Variants in HYCC2 observed in about 807,000 individuals in gnomAD.
HYCC2 encodes the protein hyccin PI4KA lipid kinase complex subunit 2.
the HYCC2 span, among the ~76,000 whole-genome samples, chr2:200,983,494 G>T: frequency 2.0e-5 from 3 of 151,966 alleles, no homozygotes; most frequent in Non-Finnish European, 4.4e-5. Context: ...AAAGCAAAAG[G>T]CACCTTATTA....
At chr2:200,989,690 T>A in the HYCC2 span, among the ~76,000 whole-genome samples, 1 of 152,086 alleles carries the variant, frequency 6.6e-6, no homozygotes, top group South Asian at 2.1e-4. Context: ...GGTATGCACC[T>A]GTAGTCCCAG....
chr2:201,048,014 T>C, the HYCC2 span, among the ~76,000 whole-genome samples: 1 of 150,362 alleles, frequency 6.7e-6, no homozygotes, highest in African/African-American at 2.5e-5. Context: ...AAATAAACAA[T>C]ATCATCCGCT....
chr2:201,016,737 T>C, the HYCC2 span, among the ~76,000 whole-genome samples: 1 of 151,800 alleles, frequency 6.6e-6, no homozygotes, highest in Non-Finnish European at 1.5e-5. Flanking sequence ...GTAGCTGGGA[T>C]TACAGGAACA....
At chr2:201,000,057 CA>C in the HYCC2 span, among the ~76,000 whole-genome samples, 2,271 of 34,770 alleles carry the variant, frequency 0.065, 7 homozygotes, top group Non-Finnish European at 0.079. Flanking sequence ...GACTCCGTCT[CA>C]AAAAAAAAAA....
At chr2:201,019,003 T>A in the HYCC2 span, among the ~76,000 whole-genome samples, 1 of 152,246 alleles carries the variant, frequency 6.6e-6, no homozygotes, top group Admixed American at 6.5e-5. Context: ...ATAGATTGTT[T>A]AATCACAAAA....
chr2:201,063,567 A>G, the HYCC2 span: 2 of 1,586,056 alleles, frequency 1.3e-6, no homozygotes, highest in East Asian at 2.2e-5. Context: ...GACTCCGTGG[A>G]TAAGATTGTC....
chr2:201,062,475 C>A, the HYCC2 span, among the ~76,000 whole-genome samples: 1 of 152,046 alleles, frequency 6.6e-6, no homozygotes, highest in Non-Finnish European at 1.5e-5. Context: ...GGTGAAACCC[C>A]GTCTTTAATA....
At chr2:201,012,336 C>T in the HYCC2 span, among the ~76,000 whole-genome samples, 7 of 152,092 alleles carry the variant, frequency 4.6e-5, no homozygotes, top group Admixed American at 4.6e-4. Context: ...TATCGCAGGC[C>T]TGTAGTCCCA....
At chr2:200,987,278 G>A in the HYCC2 span, 1 of 1,153,068 alleles carries the variant, frequency 8.7e-7, no homozygotes, top group African/African-American at 1.6e-5. Context: ...ACATTAGAAT[G>A]GAAAGATGCT....
At chr2:201,004,287 A>G in the HYCC2 span, among the ~76,000 whole-genome samples, 271 of 152,376 alleles carry the variant, frequency 1.8e-3, 2 homozygotes, top group African/African-American at 6.1e-3. Context: ...GTCAATGCAC[A>G]TCAGGAGAAC....
At chr2:200,996,028 C>CTTTTTTTTTTT in the HYCC2 span, 1 of 115,468 alleles carries the variant, frequency 8.7e-6, no homozygotes, top group Non-Finnish European at 1.8e-5. Context: ...TTTCTTTTTT[C>CTTTTTTTTTTT]TTTTTTTTTT....
chr2:201,023,652 T>C, the HYCC2 span: 1 of 195,876 alleles, frequency 5.1e-6, no homozygotes, highest in East Asian at 1.1e-4. Context: ...ATAAATCCTA[T>C]TTTTGTGCCT....
At chr2:201,030,908 T>A in the HYCC2 span, among the ~76,000 whole-genome samples, 2 of 152,144 alleles carry the variant, frequency 1.3e-5, no homozygotes, top group Non-Finnish European at 2.9e-5. Flanking sequence ...GCCATAAAAC[T>A]GTAAGCACAA....
the HYCC2 span, among the ~76,000 whole-genome samples, chr2:201,068,945 C>T: frequency 2.0e-5 from 3 of 151,900 alleles, no homozygotes; most frequent in South Asian, 2.1e-4. Flanking sequence ...AAGCCACAGA[C>T]GATGACAGAC....
At chr2:200,981,601 T>C in the HYCC2 span, 5 of 1,612,984 alleles carry the variant, frequency 3.1e-6, no homozygotes, top group African/African-American at 6.7e-5. The surrounding 1 kb of genome is among the most constrained non-coding windows in gnomAD (Gnocchi z 4.5). Context: ...TGGTGTCAGC[T>C]CAACTGAATC....
At chr2:201,066,984 T>C in the HYCC2 span, 3 of 301,120 alleles carry the variant, frequency 1.0e-5, no homozygotes, top group African/African-American at 4.4e-5. Context: ...GAGTTCACCA[T>C]GAAGAAGATA....
chr2:200,981,487 T>C, the HYCC2 span: 43 of 1,614,092 alleles, frequency 2.7e-5, no homozygotes, highest in Non-Finnish European at 3.5e-5. This position sits in a 1 kb window ranked among gnomAD's most constrained non-coding sequence, Gnocchi z 4.5. Flanking sequence ...GCCATTTACA[T>C]AGTCAAATGA....
At chr2:201,037,468 A>G in the HYCC2 span, among the ~76,000 whole-genome samples, 2 of 152,258 alleles carry the variant, frequency 1.3e-5, no homozygotes, top group African/African-American at 4.8e-5. Flanking sequence ...AGCTGGAGGC[A>G]TCACACTACC....
At chr2:200,981,489 G>A in the HYCC2 span, 126 of 1,614,092 alleles carry the variant, frequency 7.8e-5, no homozygotes, top group Non-Finnish European at 1.0e-4. This position sits in a 1 kb window ranked among gnomAD's most constrained non-coding sequence, Gnocchi z 4.5. Flanking sequence ...CATTTACATA[G>A]TCAAATGATT....
Sources: gnomAD v4.1 joint callset for allele counts (sites outside exome capture counted in the v4.1 genomes callset) on GRCh38, gnomAD v4.1.1 for gene constraint, Gnocchi (gnomAD v3.1) non-coding constraint, MANE v1.5 for transcripts, NCBI Gene and HGNC (gene_info 2026-07-23, HGNC 2026-07-21) for gene names.